PTPRQ: variants seen among roughly 807,000 people sequenced by gnomAD.
PTPRQ encodes the protein phosphatidylinositol phosphatase PTPRQ.
Under a neutral mutation model 246.0 loss-of-function variants are expected in PTPRQ, and 199 were observed. The observed-to-expected ratio is 0.81, with a 90% CI of 0.72 to 0.91. PTPRQ has a LOEUF of 0.91. Ranked by LOEUF, PTPRQ falls within the 40% of genes least tolerant of loss-of-function variation. PTPRQ has a pLI of 0.00. For missense variants in PTPRQ, 2,624 were observed against 2,528.4 expected, an observed-to-expected ratio of 1.04 and a Z score of -0.81; for synonymous variants, 869 against 853.2, an observed-to-expected ratio of 1.02 and a Z score of -0.32.
chr12:80,536,204 G>A (rs1237708518), intron 19 of PTPRQ, among the ~76,000 whole-genome samples: 1 of 152,204 alleles, frequency 6.6e-6, no homozygotes, highest in Non-Finnish European at 1.5e-5. Flanking sequence ...TGTGTCTTAG[G>A]TGATTCTTAA....
At chr12:80,664,925 T>A (rs1407925081) in intron 39 of PTPRQ, among the ~76,000 whole-genome samples, 1 of 152,018 alleles carries the variant, frequency 6.6e-6, no homozygotes, top group South Asian at 2.1e-4. Context: ...AAACTCTTTT[T>A]CTTGGTGATT....
In PTPRQ at chr12:80,539,835, A is replaced by T. The variant is rs1475033652; in HGVS notation, c.3045A>T (p.Ile1015=). Residue 1015 remains isoleucine (I), a synonymous_variant, in exon 20 of 45, where the codon ATA becomes ATT. Transcript: ENST00000644991. ...ACAATATGACTGTATCCACAATTAT[A>T]GATAAACTGACAATATTCAGCTACT... ...DFDNMTVSTI[I]DKLTIFSYYT... The T allele has an allele frequency of 3.9e-6, 6 of 1,548,876 alleles. No individual in the cohort carries two copies. Among genetic ancestry groups the T allele is most frequent in the Non-Finnish European group, 4.4e-6 (5 of 1,145,874 alleles).
chr12:80,640,710 C>T (rs1294271703), intron 35 of PTPRQ, among the ~76,000 whole-genome samples: 1 of 152,006 alleles, frequency 6.6e-6, no homozygotes, highest in African/African-American at 2.4e-5. Context: ...TAATATTGAA[C>T]ATCTTGTTGT....
intron 33 of PTPRQ, among the ~76,000 whole-genome samples, chr12:80,624,692 C>A (rs142157429): frequency 2.0e-5 from 3 of 152,138 alleles, no homozygotes; most frequent in Non-Finnish European, 4.4e-5. Context: ...TATTGAGTGT[C>A]GTGGTTCTAT....
At chr12:80,509,069 G>A (rs1467903418) in intron 16 of PTPRQ, among the ~76,000 whole-genome samples, 1 of 151,874 alleles carries the variant, frequency 6.6e-6, no homozygotes, top group East Asian at 1.9e-4. Context: ...TTCTTATCTT[G>A]GGAAACAGAC....
intron 25 of PTPRQ, among the ~76,000 whole-genome samples, chr12:80,570,035 C>G (rs997915341): frequency 3.3e-5 from 5 of 151,680 alleles, no homozygotes; most frequent in Non-Finnish European, 7.4e-5. Flanking sequence ...TAGTGCTGCA[C>G]TAAACATACA....
Position 80,624,158 on chromosome 12 carries a change from G to T in PTPRQ, c.5686+2024G>T, listed in dbSNP as rs928851707. On this transcript the variant is annotated intron_variant, in intron 33 of 44. Transcript: ENST00000644991. ...TCTGGAAACAGAAGGAGTCTACAGT[G>T]AGTAAAAGATGTGTAATGAAGGACA... is the stretch of plus-strand genomic sequence containing the variant. Among the ~76,000 whole-genome samples, 3 of 152,172 alleles carry T rather than the reference G, an allele frequency of 2.0e-5. No homozygotes were observed. The South Asian group carries it at 6.2e-4, about 32-fold the overall frequency.
intron 6 of PTPRQ, among the ~76,000 whole-genome samples, chr12:80,461,784 G>T (rs1213930708): frequency 2.6e-5 from 4 of 151,136 alleles, no homozygotes; most frequent in Non-Finnish European, 4.4e-5. Flanking sequence ...ATATAAGTTT[G>T]AAGTTTTTTT....
chr12:80,615,361 A>G (rs1421034944), intron 29 of PTPRQ, among the ~76,000 whole-genome samples: 1 of 151,044 alleles, frequency 6.6e-6, no homozygotes, highest in Admixed American at 6.6e-5. Context: ...GGCCACTAAT[A>G]TATAAAACAA....
intron 35 of PTPRQ, among the ~76,000 whole-genome samples, chr12:80,637,733 A>G (rs571063472): frequency 6.6e-6 from 1 of 152,352 alleles, no homozygotes; most frequent in South Asian, 2.1e-4. Context: ...GGAAAAAATA[A>G]CAAATATAAT....
intron 28 of PTPRQ, 131 bp from the exon 29 acceptor site, chr12:80,613,461 G>C: frequency 1.1e-6 from 1 of 899,124 alleles, no homozygotes; most frequent in Non-Finnish European, 1.6e-6. Flanking sequence ...CATTTTGCTA[G>C]TTTTTGCAGT....
At position 80,496,374 on chromosome 12, in the gene PTPRQ, T is replaced by C; in HGVS notation, c.2115T>C (p.Asn705=). The change falls in exon 14 of 45, where the codon AAT becomes AAC. Residue 705 remains asparagine (N), a synonymous_variant. Coordinates refer to ENST00000644991, the MANE Select transcript of PTPRQ (RefSeq NM_001145026.2). ...TTGCTTATGAAGTGCTATATAAAAA[T>C]ATAGATACTTTATATATGAAGAACA... is the stretch of plus-strand genomic sequence containing the variant. ...IIIAYEVLYK[N]IDTLYMKNTS... 1 of 1,550,526 alleles carries C rather than the reference T, an allele frequency of 6.4e-7. No individual in the cohort carries two copies. Among genetic ancestry groups the C allele is most frequent in the South Asian group, 1.2e-5 (1 of 83,924 alleles).
At chr12:80,593,463 C>A (rs919408605) in intron 26 of PTPRQ, among the ~76,000 whole-genome samples, 2 of 152,068 alleles carry the variant, frequency 1.3e-5, no homozygotes, top group Non-Finnish European at 2.9e-5. Context: ...GAGTGTACAC[C>A]TGTAAAACAG....
Position 80,542,623 on chromosome 12 carries a change from C to A in PTPRQ, c.3722-107C>A, listed in dbSNP as rs1896188267. 4.7e-6 allele frequency: 6 copies of A among 1,275,686 alleles called. No homozygotes were observed. In the South Asian group the frequency reaches 8.1e-5, roughly 17 times the overall value. The allele number at this position is 1,275,686 out of a possible 1,614,324, so 79.0% of individuals were successfully genotyped here. On this transcript the variant is annotated intron_variant, in intron 22 of 44. Coordinates refer to ENST00000644991, the MANE Select transcript of PTPRQ (RefSeq NM_001145026.2). ...TTTGTTTCTGAAATTTAAATATGAT[C>A]ATTTTATAAATCTTTTTAAACTAGT...
At chr12:80,620,098 T>G in intron 31 of PTPRQ, 56 bp from the exon 32 acceptor site, 2 of 1,481,188 alleles carry the variant, frequency 1.4e-6, no homozygotes, top group Non-Finnish European at 1.8e-6. Context: ...TTTATAATTG[T>G]AAAAATATAT....
intron 3 of PTPRQ, among the ~76,000 whole-genome samples, chr12:80,454,167 CT>C (rs1276681773): frequency 1.5e-5 from 2 of 135,518 alleles, no homozygotes; most frequent in South Asian, 4.7e-4. Context: ...GTAAGACCCC[CT>C]GAGCCATGTG....
At chr12:80,578,612 C>T (rs1188037715) in intron 25 of PTPRQ, among the ~76,000 whole-genome samples, 1 of 152,032 alleles carries the variant, frequency 6.6e-6, no homozygotes, top group Non-Finnish European at 1.5e-5. Flanking sequence ...CCAGGATGGT[C>T]TGGATCTCGT....
chr12:80,452,911 C>T (rs1255316938), intron 3 of PTPRQ, among the ~76,000 whole-genome samples: 1 of 152,180 alleles, frequency 6.6e-6, no homozygotes, highest in African/African-American at 2.4e-5. Flanking sequence ...GAATGTTGAC[C>T]TGCCTTGCTG....
intron 35 of PTPRQ, among the ~76,000 whole-genome samples, chr12:80,643,239 A>T (rs1230687156): frequency 6.6e-6 from 1 of 152,052 alleles, no homozygotes; most frequent in African/African-American, 2.4e-5. Context: ...GGAGTTCGAG[A>T]CCAGCCTGGC....
Sources: gnomAD v4.1 joint callset for allele counts (sites outside exome capture counted in the v4.1 genomes callset) on GRCh38, gnomAD v4.1.1 for gene constraint, MANE v1.5 for transcripts, NCBI Gene and HGNC (gene_info 2026-07-23, HGNC 2026-07-21) for gene names.